Variants in HEMK2 observed in about 807,000 individuals in gnomAD.
HEMK2 encodes methyltransferase HEMK2.
the HEMK2 span, among the ~76,000 whole-genome samples, chr21:28,586,831 A>AG: frequency 2.0e-5 from 3 of 152,142 alleles, no homozygotes; most frequent in Non-Finnish European, 4.4e-5. Context: ...CAGGGGGGTA[A>AG]TGAATGAACT....
At chr21:28,700,628 G>A in the HEMK2 span, among the ~76,000 whole-genome samples, 4 of 152,060 alleles carry the variant, frequency 2.6e-5, no homozygotes, top group African/African-American at 7.2e-5. Context: ...CACCAATGAT[G>A]AGTTCAGAAA....
the HEMK2 span, among the ~76,000 whole-genome samples, chr21:28,859,810 T>C: frequency 1.3e-5 from 2 of 152,062 alleles, no homozygotes; most frequent in African/African-American, 4.8e-5. Context: ...GCTCTCCATA[T>C]AGAAAAAAAG....
chr21:28,631,816 G>A, the HEMK2 span, among the ~76,000 whole-genome samples: 1 of 150,738 alleles, frequency 6.6e-6, no homozygotes, highest in Non-Finnish European at 1.5e-5. Flanking sequence ...AAAAACAGGA[G>A]CCTAACCTCT....
chr21:28,622,400 C>G, the HEMK2 span, among the ~76,000 whole-genome samples: 2 of 152,126 alleles, frequency 1.3e-5, no homozygotes, highest in East Asian at 3.9e-4. Context: ...AATGGCCATA[C>G]TACCCAAAGT....
chr21:28,868,915 AAAT>A, the HEMK2 span, among the ~76,000 whole-genome samples: 325 of 152,276 alleles, frequency 2.1e-3, 2 homozygotes, highest in African/African-American at 6.9e-3. Context: ...TTTTCTTGGT[AAAT>A]AATATCATCT....
chr21:28,635,101 C>CTTTTTTTTTTTTTTTTTTTTTT, the HEMK2 span, among the ~76,000 whole-genome samples: 4 of 142,904 alleles, frequency 2.8e-5, no homozygotes, highest in South Asian at 2.2e-4. Flanking sequence ...ATGTCCTCAT[C>CTTTTTTTTTTTTTTTTTTTTTT]TTTTTTTTTT....
the HEMK2 span, among the ~76,000 whole-genome samples, chr21:28,723,699 T>C: frequency 2.6e-5 from 4 of 152,306 alleles, no homozygotes; most frequent in South Asian, 6.2e-4. Context: ...CCCCGCCTCA[T>C]GGGACTGATG....
At chr21:28,764,444 C>G in the HEMK2 span, among the ~76,000 whole-genome samples, 1 of 152,020 alleles carries the variant, frequency 6.6e-6, no homozygotes, top group Non-Finnish European at 1.5e-5. Context: ...AACAAGAACG[C>G]CCCTTATAAT....
At chr21:28,874,650 T>C in the HEMK2 span, 2 of 152,240 alleles carry the variant, frequency 1.3e-5, no homozygotes, top group African/African-American at 4.8e-5. Flanking sequence ...ACAGGTTATC[T>C]TGTCCACTTT....
the HEMK2 span, among the ~76,000 whole-genome samples, chr21:28,608,376 C>T: frequency 6.4e-5 from 9 of 140,594 alleles, no homozygotes; most frequent in African/African-American, 1.3e-4. Flanking sequence ...AAGGCTAATA[C>T]GTTTTCAACT....
chr21:28,770,504 A>G, the HEMK2 span, among the ~76,000 whole-genome samples: 27 of 152,046 alleles, frequency 1.8e-4, no homozygotes, highest in Admixed American at 2.0e-4. Flanking sequence ...GTGTCCCCCA[A>G]AGTTTGTGTG....
At chr21:28,698,722 ATTTTCACTGATTAGATG>A in the HEMK2 span, among the ~76,000 whole-genome samples, 2 of 152,158 alleles carry the variant, frequency 1.3e-5, no homozygotes, top group Non-Finnish European at 2.9e-5. Context: ...GAGCAAACAT[ATTTTCACTGATTAGATG>A]TTTTCACTGA....
At chr21:28,864,880 A>ATAGATAGAT in the HEMK2 span, among the ~76,000 whole-genome samples, 19 of 59,942 alleles carry the variant, frequency 3.2e-4, no homozygotes, top group African/African-American at 8.0e-4. Context: ...GATGATAGGT[A>ATAGATAGAT]GATATAGATG....
the HEMK2 span, among the ~76,000 whole-genome samples, chr21:28,819,693 C>T: frequency 2.6e-5 from 4 of 151,840 alleles, no homozygotes; most frequent in Admixed American, 6.6e-5. Flanking sequence ...ACTACAGGCG[C>T]GGGTGCCACC....
chr21:28,778,566 G>C, the HEMK2 span, among the ~76,000 whole-genome samples: 1 of 152,166 alleles, frequency 6.6e-6, no homozygotes, highest in East Asian at 1.9e-4. Flanking sequence ...AAGTGGTCAA[G>C]GTTCTCTGCA....
the HEMK2 span, among the ~76,000 whole-genome samples, chr21:28,685,491 T>C: frequency 6.6e-6 from 1 of 152,108 alleles, no homozygotes; most frequent in East Asian, 1.9e-4. Context: ...AGGAAAAATA[T>C]ATTAAGAAAG....
At chr21:28,725,562 C>T in the HEMK2 span, among the ~76,000 whole-genome samples, 4 of 152,138 alleles carry the variant, frequency 2.6e-5, no homozygotes, top group African/African-American at 9.7e-5. Context: ...AACAGCTTTC[C>T]AGGGATACCA....
the HEMK2 span, among the ~76,000 whole-genome samples, chr21:28,635,055 A>G: frequency 6.6e-6 from 1 of 152,168 alleles, no homozygotes; most frequent in Non-Finnish European, 1.5e-5. Flanking sequence ...GCAAAGTTCA[A>G]AATTAACTCT....
the HEMK2 span, among the ~76,000 whole-genome samples, chr21:28,884,144 A>G: frequency 8.7e-4 from 133 of 152,348 alleles, 1 homozygote; most frequent in Middle Eastern, 0.01. Context: ...AGAATTCCAA[A>G]CTAGAAATAA....
Sources: allele counts gnomAD v4.1 joint callset (sites outside exome capture counted in the v4.1 genomes callset), GRCh38; gene constraint gnomAD v4.1.1; transcripts MANE v1.5; gene names NCBI Gene and HGNC (gene_info 2026-07-23, HGNC 2026-07-21).